The following CSMD1 variants were observed in gnomAD, a reference collection of about 807,000 sequenced individuals.
The protein encoded by CSMD1 is CUB and Sushi multiple domains 1, also known as CUB and sushi domain-containing protein 1.
Under a neutral mutation model 417.5 loss-of-function variants are expected in CSMD1, and 213 were observed. The observed-to-expected ratio is 0.51, with a 90% confidence interval of 0.46 to 0.57. CSMD1 has a LOEUF of 0.57. Ranked by LOEUF, CSMD1 falls within the 20% of genes least tolerant of loss-of-function variation. CSMD1 has a pLI of 0.00. For missense variants in CSMD1, 6,923 were observed against 4,529.7 expected (o/e 1.53, Z -15.17); for synonymous variants, 2,862 against 1,736.8 (o/e 1.65, Z -16.11).
chr8:4,472,327 T>C (rs1430277025), intron 2 of CSMD1, among the ~76,000 whole-genome samples: 1 of 152,120 alleles, frequency 6.6e-6, no homozygotes, highest in East Asian at 1.9e-4. Context: ...TTACCAATAG[T>C]AGAGAAAGCA....
At chr8:4,959,893 T>C (rs901523767) in intron 1 of CSMD1, among the ~76,000 whole-genome samples, 2 of 152,194 alleles carry the variant, frequency 1.3e-5, no homozygotes, top group East Asian at 1.9e-4. Context: ...CTCATTAGAA[T>C]TGCAACAACA....
intron 1 of CSMD1, among the ~76,000 whole-genome samples, chr8:4,652,442 A>T (rs1282352393): frequency 6.6e-6 from 1 of 152,064 alleles, no homozygotes; most frequent in Non-Finnish European, 1.5e-5. Flanking sequence ...TTAAAGAGAC[A>T]AGCGGGGTCA....
intron 2 of CSMD1, among the ~76,000 whole-genome samples, chr8:4,468,365 C>A (rs958362042): frequency 6.6e-6 from 1 of 152,072 alleles, no homozygotes; most frequent in African/African-American, 2.4e-5. Flanking sequence ...TTTTAAAAAC[C>A]ATTAATAAAG....
At chr8:3,953,327 A>G (rs921634809) in intron 5 of CSMD1, among the ~76,000 whole-genome samples, 9 of 152,200 alleles carry the variant, frequency 5.9e-5, no homozygotes, top group African/African-American at 2.2e-4. Context: ...TTTAGCATAT[A>G]TTTTACATAG....
chr8:3,435,755 C>A (rs1404228488), intron 12 of CSMD1, among the ~76,000 whole-genome samples: 1 of 152,174 alleles, frequency 6.6e-6, no homozygotes, highest in Non-Finnish European at 1.5e-5. Flanking sequence ...CTTCCTCGAA[C>A]AATGTGTGTC....
intron 6 of CSMD1, among the ~76,000 whole-genome samples, chr8:3,750,742 G>A (rs938277171): frequency 1.3e-5 from 2 of 152,154 alleles, no homozygotes; most frequent in Non-Finnish European, 1.5e-5. Flanking sequence ...ACAGCCCCGT[G>A]TGGAGGGCTG....
intron 5 of CSMD1, among the ~76,000 whole-genome samples, chr8:3,859,142 C>A (rs941268252): frequency 2.0e-5 from 3 of 152,192 alleles, no homozygotes; most frequent in African/African-American, 7.2e-5. Context: ...ATCTCTACTC[C>A]ACACAGGCAT....
At position 3,406,231 on chromosome 8, in the gene CSMD1, AAAG is replaced by A. The variant is rs769397803; in HGVS notation, c.2072-13_2072-11del. Reference sequence around the variant, plus strand: ...TCATTCTGACCAAATGCTGAAAGAAAAAGAAGAAGAAAAAAGGAATAAAAATAC... The same window carrying A: ...TCATTCTGACCAAATGCTGAAAGAAAAAGAAGAAAAAAGGAATAAAAATAC... On this transcript the variant is annotated splice_polypyrimidine_tract_variant and intron_variant, in intron 14 of 69. Coordinates refer to ENST00000635120, the MANE Select transcript of CSMD1 (RefSeq NM_033225.6). 23 of 1,564,590 alleles carry A rather than the reference AAAG, an allele frequency of 1.5e-5. No homozygotes were observed. The highest frequency in any genetic ancestry group is 5.5e-5 in the African/African-American group (4 of 72,900).
intron 10 of CSMD1, among the ~76,000 whole-genome samples, chr8:3,541,640 C>G (rs981066953): frequency 4.7e-5 from 7 of 149,828 alleles, no homozygotes; most frequent in African/African-American, 1.7e-4. Context: ...ACGTTCTTCA[C>G]TAATCAAATT....
At chr8:4,360,520 G>A (rs1172611714) in intron 3 of CSMD1, among the ~76,000 whole-genome samples, 1 of 152,084 alleles carries the variant, frequency 6.6e-6, no homozygotes, top group Non-Finnish European at 1.5e-5. Context: ...GATGGAGTCT[G>A]GCTCTGTCGC....
intron 49 of CSMD1, among the ~76,000 whole-genome samples, chr8:3,068,780 G>C (rs778290043): frequency 6.6e-6 from 1 of 152,108 alleles, no homozygotes; most frequent in Non-Finnish European, 1.5e-5. Context: ...GCAATAAGTC[G>C]TGAGGGATCC....
At chr8:3,253,703 C>CT (rs1205243475) in intron 26 of CSMD1, among the ~76,000 whole-genome samples, 13 of 152,018 alleles carry the variant, frequency 8.6e-5, no homozygotes, top group Non-Finnish European at 2.9e-5. Flanking sequence ...CTTTATGAAT[C>CT]TTTTTTTGTT....
intron 5 of CSMD1, among the ~76,000 whole-genome samples, chr8:3,789,332 C>A (rs796144571): frequency 6.6e-6 from 1 of 150,428 alleles, no homozygotes; most frequent in Non-Finnish European, 1.5e-5. Context: ...CAGACTAATA[C>A]AGAGAATAAT....
At chr8:4,597,268 T>G (rs1412402053) in intron 2 of CSMD1, among the ~76,000 whole-genome samples, 1 of 152,340 alleles carries the variant, frequency 6.6e-6, no homozygotes, top group South Asian at 2.1e-4. Context: ...CTTTGATTTC[T>G]AATTTGAGAA....
At chr8:3,242,583 A>G (rs1023925727) in intron 26 of CSMD1, among the ~76,000 whole-genome samples, 8 of 152,096 alleles carry the variant, frequency 5.3e-5, no homozygotes, top group African/African-American at 1.9e-4. Flanking sequence ...ACTGGGGTCA[A>G]GCGGCATTGC....
chr8:3,596,788 TCA>T (rs1478790536), intron 8 of CSMD1, among the ~76,000 whole-genome samples: 2 of 103,778 alleles, frequency 1.9e-5, no homozygotes, highest in African/African-American at 9.1e-5. Flanking sequence ...ACACACACAC[TCA>T]CACACACATG....
intron 5 of CSMD1, among the ~76,000 whole-genome samples, chr8:3,990,435 T>G (rs1296873838): frequency 6.6e-6 from 1 of 152,204 alleles, no homozygotes; most frequent in Non-Finnish European, 1.5e-5. Context: ...CTATTTTTCC[T>G]ATTGGTCCCA....
intron 8 of CSMD1, among the ~76,000 whole-genome samples, chr8:3,590,606 C>T (rs569010145): frequency 1.3e-5 from 2 of 152,206 alleles, no homozygotes. Flanking sequence ...GATCATGAAA[C>T]CTTTTTGCAA....
chr8:4,620,735 T>A (rs1467611966), intron 2 of CSMD1, among the ~76,000 whole-genome samples: 2 of 151,768 alleles, frequency 1.3e-5, no homozygotes, highest in African/African-American at 4.8e-5. Flanking sequence ...CTATAAAATG[T>A]TTGGCAAATA....
Sources: allele counts gnomAD v4.1 joint callset (sites outside exome capture counted in the v4.1 genomes callset), GRCh38; gene constraint gnomAD v4.1.1; transcripts MANE v1.5; gene names NCBI Gene and HGNC (gene_info 2026-07-23, HGNC 2026-07-21).